The following CACNA1E variants were observed in gnomAD, a reference collection of about 807,000 sequenced individuals.
The protein encoded by CACNA1E is calcium voltage-gated channel subunit alpha1 E.
Under a neutral mutation model 259.2 loss-of-function variants are expected in CACNA1E, and 40 were observed. The ratio of observed to expected loss-of-function variants is 0.15; its 90% CI spans 0.12 to 0.20. The LOEUF (loss-of-function observed/expected upper bound fraction) is 0.20. Ranked by LOEUF, CACNA1E falls within the 10% of genes least tolerant of loss-of-function variation. The probability of loss-of-function intolerance (pLI) is 1.00; values close to 1 mark genes in which losing one functional copy is unlikely to be tolerated. For missense variants in CACNA1E, 1,874 were observed against 3,040.1 expected (o/e 0.62, Z 9.02); for synonymous variants, 1,104 against 1,138.5 (o/e 0.97, Z 0.61).
chr1:181,440,051 C>T (rs1446674676), intron 2 of CACNA1E, among the ~76,000 whole-genome samples: 1 of 152,178 alleles, frequency 6.6e-6, no homozygotes, highest in African/African-American at 2.4e-5. Context: ...TTATAGAATG[C>T]TTTAGACCTT....
At chr1:181,586,086 G>A (rs1257800970) in intron 6 of CACNA1E, among the ~76,000 whole-genome samples, 1 of 152,210 alleles carries the variant, frequency 6.6e-6, no homozygotes, top group Non-Finnish European at 1.5e-5. Context: ...GGTAGCAGCG[G>A]AGGAGGTGAA....
At chr1:181,363,295 T>C (rs16857144) in intron 1 of CACNA1E, among the ~76,000 whole-genome samples, 3,609 of 152,150 alleles carry the variant, frequency 0.024, 74 homozygotes, top group African/African-American at 0.053. Context: ...CCTGCCAAAA[T>C]GCGCGTGTGG....
chr1:181,731,515 C>T (rs1385186783), intron 19 of CACNA1E, among the ~76,000 whole-genome samples: 1 of 152,164 alleles, frequency 6.6e-6, no homozygotes, highest in Non-Finnish European at 1.5e-5. Context: ...GTATACCTCT[C>T]ACGTAGGTAG....
intron 7 of CACNA1E, among the ~76,000 whole-genome samples, chr1:181,705,326 A>G (rs1460495205): frequency 6.6e-6 from 1 of 152,242 alleles, no homozygotes; most frequent in African/African-American, 2.4e-5. Context: ...GATTAATTAT[A>G]TAGAATTAGC....
intron 6 of CACNA1E, among the ~76,000 whole-genome samples, chr1:181,649,285 A>G (rs1658547332): frequency 6.6e-6 from 1 of 152,216 alleles, no homozygotes; most frequent in South Asian, 2.1e-4. Context: ...AGGTCCCTGC[A>G]TCTGTCCCTT....
intron 1 of CACNA1E, among the ~76,000 whole-genome samples, chr1:181,377,117 A>G (rs1025130627): frequency 6.6e-6 from 1 of 152,236 alleles, no homozygotes; most frequent in Admixed American, 6.5e-5. Flanking sequence ...AGCACTTATA[A>G]AGAACGTAAA....
intron 7 of CACNA1E, among the ~76,000 whole-genome samples, chr1:181,652,718 C>T (rs182387800): frequency 1.3e-5 from 2 of 152,194 alleles, no homozygotes; most frequent in East Asian, 1.9e-4. Flanking sequence ...GAATCCCTGC[C>T]CCACCCCACT....
intron 6 of CACNA1E, among the ~76,000 whole-genome samples, chr1:181,619,274 A>G (rs569550925): frequency 1.1e-4 from 17 of 149,942 alleles, no homozygotes; most frequent in Non-Finnish European, 2.1e-4. Flanking sequence ...TTTTGAATAA[A>G]GACCTGAAGA....
At chr1:181,763,751 A>C (rs1452832030) in intron 34 of CACNA1E, among the ~76,000 whole-genome samples, 1 of 152,186 alleles carries the variant, frequency 6.6e-6, no homozygotes, top group Non-Finnish European at 1.5e-5. Context: ...CTTATTTTAG[A>C]AAAACACCTT....
At chr1:181,590,410 A>T (rs1030669526) in intron 6 of CACNA1E, among the ~76,000 whole-genome samples, 69 of 119,180 alleles carry the variant, frequency 5.8e-4, no homozygotes, top group Non-Finnish European at 8.4e-4. Flanking sequence ...ACAAAAAAAA[A>T]AAAAAAATAT....
intron 47 of CACNA1E, among the ~76,000 whole-genome samples, chr1:181,797,960 G>T (rs1043406668): frequency 6.6e-6 from 1 of 152,170 alleles, no homozygotes; most frequent in African/African-American, 2.4e-5. Flanking sequence ...CCAAGTGCTT[G>T]TTCCACAGAC....
chr1:181,346,088 G>A (rs919644153), intron 1 of CACNA1E, among the ~76,000 whole-genome samples: 6 of 152,204 alleles, frequency 3.9e-5, no homozygotes, highest in African/African-American at 1.4e-4. Flanking sequence ...CTGAAGGGGC[G>A]CAGCAGGACG....
At chr1:181,658,430 C>G (rs1158061938) in intron 7 of CACNA1E, among the ~76,000 whole-genome samples, 2 of 152,230 alleles carry the variant, frequency 1.3e-5, no homozygotes, top group African/African-American at 4.8e-5. Flanking sequence ...ATAAGTTACT[C>G]TGAGCCTGCT....
intron 3 of CACNA1E, among the ~76,000 whole-genome samples, chr1:181,566,511 T>C (rs1268269389): frequency 6.6e-6 from 1 of 152,174 alleles, no homozygotes; most frequent in Non-Finnish European, 1.5e-5. Flanking sequence ...TGCAGGACCA[T>C]TGGTAGGAAC....
chr1:181,686,284 T>TG lies in CACNA1E; in HGVS notation c.1056-24670_1056-24669insG, dbSNP rs1650547329. Among the ~76,000 whole-genome samples, 3 of 122,522 alleles carry TG rather than the reference T, an allele frequency of 2.4e-5. No individual in the cohort carries two copies. In the South Asian group the frequency reaches 8.3e-4, roughly 34 times the overall value. 80.4% of individuals were successfully genotyped at this position (122,522 alleles called of 152,430 possible). A position where few individuals can be genotyped will look rare whatever the true frequency, so the allele number is the denominator to read the frequency against. ...GGCCAGTAAGAACCAAGTTTTTTTT[T>TG]TTTTTTTTTTTTTTTTTTTGAGATG... On this transcript the variant is annotated intron_variant, in intron 7 of 47. Transcript: ENST00000367573.
intron 2 of CACNA1E, among the ~76,000 whole-genome samples, chr1:181,470,653 A>G (rs1194915792): frequency 6.6e-6 from 1 of 152,182 alleles, no homozygotes; most frequent in African/African-American, 2.4e-5. Flanking sequence ...CTTGTTCCCC[A>G]TAGCCTTGAT....
intron 1 of CACNA1E, among the ~76,000 whole-genome samples, chr1:181,325,765 C>A (rs2102576660): frequency 6.6e-6 from 1 of 152,196 alleles, no homozygotes; most frequent in Middle Eastern, 3.4e-3. Flanking sequence ...ATCAGAAGCA[C>A]CACTGTCCAT....
At chr1:181,539,830 G>A (rs1408299032) in intron 3 of CACNA1E, among the ~76,000 whole-genome samples, 1 of 152,208 alleles carries the variant, frequency 6.6e-6, no homozygotes, top group African/African-American at 2.4e-5. Flanking sequence ...CCAGAGTTTA[G>A]TCTTTGCTTT....
Position 181,758,613 on chromosome 1 carries a change from GCACTCGAAGTC to G in CACNA1E, c.4495-142_4495-132del, listed in dbSNP as rs2102697735. Reference sequence around the variant, plus strand: ...GTAGAATATGTGGTTCTCCTCTCCAGCACTCGAAGTCCATCTCTCCTCCTGTACCACACACC... The same window carrying G: ...GTAGAATATGTGGTTCTCCTCTCCAGCATCTCTCCTCCTGTACCACACACC... On this transcript the variant is annotated intron_variant, in intron 31 of 47. Transcript: ENST00000367573. This position sits in a 1 kb window ranked among gnomAD's most constrained non-coding sequence, Gnocchi z 4.2. 1 of 559,376 alleles carries G rather than the reference GCACTCGAAGTC, an allele frequency of 1.8e-6. No homozygotes were observed. Among genetic ancestry groups the G allele is most frequent in the South Asian group, 2.6e-5 (1 of 37,890 alleles). 34.7% of individuals were successfully genotyped at this position (559,376 alleles called of 1,614,324 possible).
Sources: allele counts gnomAD v4.1 joint callset (sites outside exome capture counted in the v4.1 genomes callset), GRCh38; gene constraint gnomAD v4.1.1; non-coding constraint Gnocchi (gnomAD v3.1); transcripts MANE v1.5; gene names NCBI Gene and HGNC (gene_info 2026-07-23, HGNC 2026-07-21).